The following DLG5 variants were observed in gnomAD, a reference collection of about 807,000 sequenced individuals.
DLG5 encodes disks large homolog 5.
DLG5 carries 48 observed loss-of-function variants against 189.8 expected under a neutral mutation model. The ratio of observed to expected loss-of-function variants is 0.25; its 90% CI spans 0.20 to 0.32. The LOEUF is 0.32. DLG5 is among the 10% of genes least tolerant of loss of function. The probability of loss-of-function intolerance (pLI) is 1.00; values close to 1 mark genes in which losing one functional copy is unlikely to be tolerated. For synonymous variants in DLG5, 1,016 were observed against 1,054.1 expected, an observed-to-expected ratio of 0.96 and a Z score of 0.70; for missense variants, 2,160 against 2,544.7, an observed-to-expected ratio of 0.85 and a Z score of 3.25.
At chr10:77,828,274 T>A (rs1015698475) in intron 13 of DLG5, among the ~76,000 whole-genome samples, 1 of 151,980 alleles carries the variant, frequency 6.6e-6, no homozygotes, top group African/African-American at 2.4e-5. Context: ...TCACCTGAGG[T>A]CAGGAGTTCA....
At chr10:77,848,614 C>T (rs555176177) in intron 5 of DLG5, among the ~76,000 whole-genome samples, 3 of 151,948 alleles carry the variant, frequency 2.0e-5, no homozygotes, top group Admixed American at 2.0e-4. Flanking sequence ...ACACAGAATT[C>T]GATTAACACC....
At chr10:77,888,630 T>C (rs560960108) in intron 1 of DLG5, among the ~76,000 whole-genome samples, 1 of 152,282 alleles carries the variant, frequency 6.6e-6, no homozygotes, top group East Asian at 1.9e-4. Context: ...CCTCTTAAGA[T>C]AGTCTCAAAA....
intron 11 of DLG5, 80 bp from the exon 12 acceptor site, chr10:77,829,610 GCTGA>G: frequency 6.7e-7 from 1 of 1,489,916 alleles, no homozygotes. Flanking sequence ...CACTCAGGGG[GCTGA>G]CTGCCAAGGA....
chr10:77,846,870 C>CT, intron 5 of DLG5: 2 of 380,854 alleles, frequency 5.3e-6, no homozygotes, highest in South Asian at 3.9e-5. Flanking sequence ...CCTGCAGCGG[C>CT]TTCCCGCCTT....
chr10:77,915,629 G>C (rs1030303843), intron 1 of DLG5, among the ~76,000 whole-genome samples: 3 of 152,178 alleles, frequency 2.0e-5, no homozygotes, highest in Admixed American at 6.5e-5. Context: ...GGATGCATTT[G>C]ACCACAGAAC....
At chr10:77,850,970 AGCCAAGCGTAG>A (rs1346635487) in intron 5 of DLG5, among the ~76,000 whole-genome samples, 1 of 152,264 alleles carries the variant, frequency 6.6e-6, no homozygotes, top group Non-Finnish European at 1.5e-5. Flanking sequence ...AGGTTACCTG[AGCCAAGCGTAG>A]ACCAAGAAGA....
intron 14 of DLG5, among the ~76,000 whole-genome samples, chr10:77,822,752 C>T (rs937164996): frequency 3.9e-5 from 6 of 152,036 alleles, no homozygotes; most frequent in Middle Eastern, 3.4e-3. Context: ...ACCCAGACAA[C>T]GGAATATAAA....
intron 3 of DLG5, among the ~76,000 whole-genome samples, chr10:77,854,811 C>T (rs1448323106): frequency 6.6e-6 from 1 of 151,876 alleles, no homozygotes; most frequent in East Asian, 1.9e-4. Context: ...CATGGTGAAA[C>T]CCCGCCTCCA....
intron 6 of DLG5, 25 bp downstream of exon 6, chr10:77,843,422 C>T (rs1265111459): frequency 2.0e-5 from 32 of 1,608,686 alleles, no homozygotes; most frequent in South Asian, 3.3e-5. Context: ...CATTTGCCCC[C>T]GGCCCCCGAT....
intron 27 of DLG5, among the ~76,000 whole-genome samples, chr10:77,798,710 A>G (rs1209055292): frequency 6.6e-6 from 1 of 152,108 alleles, no homozygotes; most frequent in East Asian, 1.9e-4. Context: ...TCCCATTAAC[A>G]CTTATTCTGG....
At chr10:77,833,142 G>A (rs758644007) in intron 9 of DLG5, among the ~76,000 whole-genome samples, 3 of 152,078 alleles carry the variant, frequency 2.0e-5, no homozygotes, top group South Asian at 2.1e-4. Flanking sequence ...TTTAGACCAC[G>A]GCCTATTGGG....
In DLG5 at chr10:77,794,054, A is replaced by C; in HGVS notation, c.5610T>G (p.Phe1870Leu). The C allele has an allele frequency of 6.2e-7, 1 of 1,614,130 alleles. No homozygotes were observed. Among genetic ancestry groups the C allele is most frequent in the Non-Finnish European group, 8.5e-7 (1 of 1,180,010 alleles). Residue 1870 changes from phenylalanine to leucine, a missense_variant, in exon 31 of 32, where the codon TTT becomes TTG. Coordinates refer to ENST00000372391, the MANE Select transcript of DLG5 (RefSeq NM_004747.4). ...KVTQRHSKEQFEAAQKLEQEY... is the reference protein window; with the variant it reads ...KVTQRHSKEQLEAAQKLEQEY... Reference sequence around the variant, plus strand: ...CCTGCTCAAGCTTCTGCGCCGCCTCAAACTGCTCTTTGGAATGCCTCTGAG... The same window carrying C: ...CCTGCTCAAGCTTCTGCGCCGCCTCCAACTGCTCTTTGGAATGCCTCTGAG...
chr10:77,892,849 C>T (rs1430556991), intron 1 of DLG5, among the ~76,000 whole-genome samples: 1 of 152,212 alleles, frequency 6.6e-6, no homozygotes, highest in Admixed American at 6.5e-5. Context: ...TAAAGGATTG[C>T]TGAATAAATG....
chr10:77,899,551 C>T (rs1845863690), intron 1 of DLG5, among the ~76,000 whole-genome samples: 1 of 152,208 alleles, frequency 6.6e-6, no homozygotes, highest in African/African-American at 2.4e-5. Context: ...CCGGGGCACA[C>T]ATGAGTGGTC....
At chr10:77,801,498 G>C (rs547995614) in intron 27 of DLG5, among the ~76,000 whole-genome samples, 1 of 152,194 alleles carries the variant, frequency 6.6e-6, no homozygotes, top group Non-Finnish European at 1.5e-5. Context: ...ACCCCGAGGA[G>C]AGGCAAGGTC....
chr10:77,896,870 A>G (rs1158760962), intron 1 of DLG5, among the ~76,000 whole-genome samples: 2 of 151,968 alleles, frequency 1.3e-5, no homozygotes, highest in African/African-American at 4.8e-5. Flanking sequence ...AGTCTCGGTG[A>G]CGACTAAACA....
intron 1 of DLG5, among the ~76,000 whole-genome samples, chr10:77,873,943 G>T (rs1262858603): frequency 1.3e-5 from 2 of 152,210 alleles, no homozygotes; most frequent in African/African-American, 2.4e-5. Context: ...GCCCCAGGAG[G>T]ACAGTCACTT....
intron 7 of DLG5, among the ~76,000 whole-genome samples, chr10:77,840,642 C>A (rs1031138917): frequency 5.1e-4 from 77 of 152,246 alleles, no homozygotes; most frequent in African/African-American, 1.8e-3. Flanking sequence ...TTGCTTGAAC[C>A]CAGGAGGTAG....
In DLG5 at chr10:77,850,787, G is replaced by A. The variant is rs532656072; in HGVS notation, c.864+2567C>T. Reference sequence around the variant, plus strand: ...GGCACGCGGCGCCAGTGCCTTCTACGCAGTGTCTTCATGACAGCCATACAG... The same window carrying A: ...GGCACGCGGCGCCAGTGCCTTCTACACAGTGTCTTCATGACAGCCATACAG... On this transcript the variant is annotated intron_variant, in intron 5 of 31. Coordinates refer to ENST00000372391, the MANE Select transcript of DLG5 (RefSeq NM_004747.4). Among the ~76,000 whole-genome samples, 121 of 152,286 alleles carry A rather than the reference G, an allele frequency of 7.9e-4. 1 individual carries two copies. Among genetic ancestry groups the A allele is most frequent in the African/African-American group, 2.8e-3 (118 of 41,574 alleles).
Sources: gnomAD v4.1 joint callset for allele counts (sites outside exome capture counted in the v4.1 genomes callset) on GRCh38, gnomAD v4.1.1 for gene constraint, MANE v1.5 for transcripts, NCBI Gene and HGNC (gene_info 2026-07-23, HGNC 2026-07-21) for gene names.